The following RNF141 variants were observed in gnomAD, a reference collection of about 807,000 sequenced individuals.
The protein encoded by RNF141 is ring finger protein 141.
In RNF141, 18 loss-of-function variants were observed where a neutral mutation model predicts 27.4. That is an observed-to-expected ratio of 0.66 (90% CI 0.45 to 0.97). RNF141 has a LOEUF of 0.97. RNF141 is among the 50% of genes least tolerant of loss of function. The pLI is 0.00. For synonymous variants in RNF141, 97 were observed against 96.6 expected (o/e 1.00, Z -0.02); for missense variants, 230 against 279.4 (o/e 0.82, Z 1.26).
chr11:10,516,097 A>G (rs1849841055), intron 5 of RNF141: 2 of 152,236 alleles, frequency 1.3e-5, no homozygotes, highest in South Asian at 4.1e-4. Context: ...GCAAAAATTT[A>G]GAACTCTGTT....
Position 10,515,863 on chromosome 11 carries a change from G to T in RNF141, c.543-797C>A, listed in dbSNP as rs1210323846. ...CAAAGTTAAAAGATAAACTTTACAT[G>T]CACAGTAATTTTTCTGGCAGGGGAA... On this transcript the variant is annotated intron_variant, in intron 5 of 5. Coordinates refer to ENST00000265981, the MANE Select transcript of RNF141 (RefSeq NM_016422.4). The T allele has an allele frequency of 2.6e-5, 4 of 152,072 alleles. No homozygotes were observed. In the East Asian group the frequency reaches 7.7e-4, roughly 29 times the overall value. The allele number at this position is 152,072 out of a possible 1,614,324, so 9.4% of individuals were successfully genotyped here.
chr11:10,527,264 A>G (rs149167764), intron 3 of RNF141, among the ~76,000 whole-genome samples: 1 of 152,370 alleles, frequency 6.6e-6, no homozygotes, highest in African/African-American at 2.4e-5. Flanking sequence ...GGCAAATAAA[A>G]TACAGATACA....
chr11:10,514,939 C>T lies in RNF141; in HGVS notation c.670G>A (p.Ala224Thr). The T allele has an allele frequency of 1.9e-6, 3 of 1,613,138 alleles. No homozygotes were observed. The highest frequency in any genetic ancestry group is 2.7e-5 in the African/African-American group (2 of 74,978). Residue 224 changes from alanine to threonine, a missense_variant, in exon 6 of 6, where the codon GCA (alanine) becomes ACA (threonine). Transcript: ENST00000265981. ...ANYILNMADE[A>T]GQPHRP Reference sequence around the variant, plus strand: ...GGTCATGGCCTGTGGGGCTGGCCTGCCTCATCAGCCATGTTAAGAATATAG... The same window carrying T: ...GGTCATGGCCTGTGGGGCTGGCCTGTCTCATCAGCCATGTTAAGAATATAG...
intron 4 of RNF141, among the ~76,000 whole-genome samples, chr11:10,520,067 G>T (rs117013174): frequency 1.3e-5 from 2 of 152,180 alleles, no homozygotes; most frequent in African/African-American, 4.8e-5. Context: ...CATGCAGCCC[G>T]TGGGCCGTGA....
chr11:10,524,153 G>A (rs1410100086), intron 4 of RNF141, among the ~76,000 whole-genome samples: 5 of 152,184 alleles, frequency 3.3e-5, no homozygotes, highest in African/African-American at 7.2e-5. Context: ...GGTGGCTCAT[G>A]CCTGTAATCC....
At chr11:10,539,701 A>ATATATATATATATAT (rs10524171) in intron 1 of RNF141, among the ~76,000 whole-genome samples, 2,574 of 31,422 alleles carry the variant, frequency 0.082, 498 homozygotes, top group South Asian at 0.12. Context: ...CATATATATT[A>ATATATATATATATAT]GAGAGAGAAG....
At position 10,513,609 on chromosome 11, in the gene RNF141, A is replaced by T. The variant is rs1849819943; in HGVS notation, c.*1307T>A. 1 of 152,226 alleles carries T rather than the reference A, an allele frequency of 6.6e-6. No individual in the cohort carries two copies. The highest frequency in any genetic ancestry group is 1.5e-5 in the Non-Finnish European group (1 of 68,028). 9.4% of individuals were successfully genotyped at this position (152,226 alleles called of 1,614,324 possible). The stretch of plus-strand genomic sequence containing the variant: ...TTCAATGGAAGTACAGTGAAACAGT[A>T]GGAATGCCAAATTATCTTCTAATTT... On this transcript the variant is annotated 3_prime_UTR_variant, in exon 6 of 6. Coordinates refer to ENST00000265981, the MANE Select transcript of RNF141 (RefSeq NM_016422.4).
At chr11:10,523,453 A>G (rs1849905732) in intron 4 of RNF141, among the ~76,000 whole-genome samples, 1 of 152,244 alleles carries the variant, frequency 6.6e-6, no homozygotes, top group Admixed American at 6.5e-5. Flanking sequence ...GAGTTTATAC[A>G]TGTACAACAC....
chr11:10,533,887 T>C (rs1044033773), intron 2 of RNF141, 129 bp downstream of exon 2: 8 of 783,828 alleles, frequency 1.0e-5, no homozygotes, highest in African/African-American at 5.3e-5. Flanking sequence ...TCAATAAGTA[T>C]TTGTTAATGC....
Position 10,530,687 on chromosome 11 carries a change from A to G in RNF141, c.208T>C (p.Ser70Pro). The part of the protein sequence containing the change: ...LLFEVQPGSD[S>P]SAFWKVVVRV... ...ACAACCACTTTCCAAAAAGCAGAGG[A>G]ATCAGACCCAGGTTGTACCTCAAAG... Residue 70 changes from serine (S) to proline (P), a missense_variant, in exon 3 of 6, where the codon TCC becomes CCC. Transcript: ENST00000265981. 6.2e-7 allele frequency: 1 copy of G among 1,612,012 alleles called. No individual in the cohort carries two copies. The highest frequency in any genetic ancestry group is 8.5e-7 in the Non-Finnish European group (1 of 1,178,698).
At chr11:10,537,764 C>T (rs1850051129) in intron 1 of RNF141, among the ~76,000 whole-genome samples, 1 of 152,270 alleles carries the variant, frequency 6.6e-6, no homozygotes, top group African/African-American at 2.4e-5. Flanking sequence ...TTGGGCTGGG[C>T]CAGTTAATCA....
chr11:10,515,981 T>C (rs1374484547), intron 5 of RNF141: 1 of 152,254 alleles, frequency 6.6e-6, no homozygotes, highest in East Asian at 1.9e-4. Flanking sequence ...AAATACCGTA[T>C]TTGAGCCAGA....
At chr11:10,538,172 C>CA (rs1850054200) in intron 1 of RNF141, among the ~76,000 whole-genome samples, 1 of 152,286 alleles carries the variant, frequency 6.6e-6, no homozygotes, top group South Asian at 2.1e-4. Context: ...TTTGAGGCAG[C>CA]ATATTAACTT....
chr11:10,529,420 AG>A (rs1421765332), intron 3 of RNF141, among the ~76,000 whole-genome samples: 1 of 152,246 alleles, frequency 6.6e-6, no homozygotes, highest in East Asian at 1.9e-4. Flanking sequence ...ATCCTAGTTG[AG>A]AAAACACAAT....
intron 1 of RNF141, among the ~76,000 whole-genome samples, chr11:10,539,701 A>ATATATATATATATATATATATAAAT (rs10524171): frequency 3.2e-5 from 1 of 31,476 alleles, no homozygotes; most frequent in African/African-American, 8.8e-5. Context: ...CATATATATT[A>ATATATATATATATATATATATAAAT]GAGAGAGAAG....
intron 5 of RNF141, chr11:10,515,647 G>C (rs1352484338): frequency 6.6e-6 from 1 of 152,202 alleles, no homozygotes; most frequent in Non-Finnish European, 1.5e-5. Flanking sequence ...TTAAATGGAA[G>C]CCATTACTCT....
At chr11:10,517,897 ATAC>A (rs967281687) in intron 5 of RNF141, among the ~76,000 whole-genome samples, 25 of 152,202 alleles carry the variant, frequency 1.6e-4, no homozygotes, top group African/African-American at 6.0e-4. Flanking sequence ...GTATTTCCAT[ATAC>A]TAGTATCAAT....
intron 4 of RNF141, among the ~76,000 whole-genome samples, chr11:10,521,910 G>A (rs777750070): frequency 2.1e-4 from 32 of 152,158 alleles, no homozygotes; most frequent in African/African-American, 7.2e-4. Context: ...AAGTTTGAAC[G>A]TGTCCTGACA....
chr11:10,517,168 G>A (rs1281326795), intron 5 of RNF141: 1 of 151,900 alleles, frequency 6.6e-6, no homozygotes, highest in African/African-American at 2.4e-5. Flanking sequence ...AAGATAGTAA[G>A]AAGAGACATG....
Sources: allele counts gnomAD v4.1 joint callset (sites outside exome capture counted in the v4.1 genomes callset), GRCh38; gene constraint gnomAD v4.1.1; transcripts MANE v1.5; gene names NCBI Gene and HGNC (gene_info 2026-07-23, HGNC 2026-07-21).